The following CADPS2 variants were observed in gnomAD, a reference collection of about 807,000 sequenced individuals.
The protein encoded by CADPS2 is calcium-dependent secretion activator 2.
In CADPS2, 93 loss-of-function variants were observed where a neutral mutation model predicts 172.5. The ratio of observed to expected loss-of-function variants is 0.54; its 90% CI spans 0.46 to 0.64. The LOEUF (loss-of-function observed/expected upper bound fraction) is 0.64, where lower values mean the gene tolerates loss of function less well. CADPS2 is among the 30% of genes least tolerant of loss of function. The pLI is 0.00. For missense variants in CADPS2, 1,420 were observed against 1,565.9 expected, an observed-to-expected ratio of 0.91 and a Z score of 1.57; for synonymous variants, 546 against 555.2, an observed-to-expected ratio of 0.98 and a Z score of 0.23.
At chr7:122,420,460 A>C (rs988080009) in intron 17 of CADPS2, among the ~76,000 whole-genome samples, 2 of 152,206 alleles carry the variant, frequency 1.3e-5, no homozygotes, top group African/African-American at 4.8e-5. Context: ...AAATAGATGC[A>C]TTTTTATCAA....
chr7:122,471,588 T>G, intron 13 of CADPS2, 26 bp from the exon 14 acceptor site: 3 of 1,520,766 alleles, frequency 2.0e-6, no homozygotes, highest in Non-Finnish European at 2.6e-6. Context: ...AGAATAGATA[T>G]ACATGTTTTT....
rs374046476 is a variant in CADPS2 at position 122,718,517 on chromosome 7, C to T, written c.453+18438G>A. Among the ~76,000 whole-genome samples, 18 of 152,126 alleles carry T rather than the reference C, an allele frequency of 1.2e-4. No individual in the cohort carries two copies. In the South Asian group the frequency reaches 2.1e-3, roughly 18 times the overall value. On this transcript the variant is annotated intron_variant, in intron 2 of 29. Transcript: ENST00000449022. ...TCAGATAGTTAAGGGTAGCCATGGC[C>T]TTCTAAACAGGGAACAGAATAAATA...
intron 3 of CADPS2, among the ~76,000 whole-genome samples, chr7:122,643,475 T>A (rs2077919036): frequency 6.6e-6 from 1 of 152,296 alleles, no homozygotes; most frequent in Middle Eastern, 3.4e-3. Context: ...CAATGCAATG[T>A]CATACATCAG....
At chr7:122,554,752 A>G in intron 7 of CADPS2, 63 bp from the exon 8 acceptor site, 1 of 1,356,328 alleles carries the variant, frequency 7.4e-7, no homozygotes, top group African/African-American at 1.5e-5. Context: ...GTTGGAACTA[A>G]AATATTTTCT....
At chr7:122,739,427 T>A (rs1486728607) in intron 1 of CADPS2, among the ~76,000 whole-genome samples, 1 of 152,238 alleles carries the variant, frequency 6.6e-6, no homozygotes, top group Non-Finnish European at 1.5e-5. Flanking sequence ...ACATCATTAG[T>A]ATTTAAGTTC....
intron 1 of CADPS2, among the ~76,000 whole-genome samples, chr7:122,761,308 C>A (rs768540840): frequency 7.2e-5 from 11 of 152,128 alleles, no homozygotes; most frequent in Non-Finnish European, 1.6e-4. Flanking sequence ...GGAACATGGG[C>A]AGCCAGGCCA....
chr7:122,474,108 G>T (rs971049484), intron 13 of CADPS2, among the ~76,000 whole-genome samples: 5 of 152,058 alleles, frequency 3.3e-5, no homozygotes, highest in South Asian at 2.1e-4. Context: ...TCTTTAAAGT[G>T]ACTGATACAC....
chr7:122,327,925 T>C (rs1460288017), intron 28 of CADPS2, among the ~76,000 whole-genome samples: 1 of 152,060 alleles, frequency 6.6e-6, no homozygotes, highest in Admixed American at 6.5e-5. Flanking sequence ...AGAAAAAAAT[T>C]ATTCTATCAA....
At chr7:122,728,712 T>A (rs2137410696) in intron 2 of CADPS2, among the ~76,000 whole-genome samples, 1 of 151,858 alleles carries the variant, frequency 6.6e-6, no homozygotes, top group East Asian at 1.9e-4. Flanking sequence ...TTGTTTTTAT[T>A]TTTTTCAATT....
chr7:122,334,382 C>T (rs990165125), intron 28 of CADPS2, among the ~76,000 whole-genome samples: 11 of 152,178 alleles, frequency 7.2e-5, no homozygotes, highest in Non-Finnish European at 8.8e-5. Flanking sequence ...GGATGTGCTG[C>T]CTGTGCATTT....
chr7:122,768,318 G>A (rs1164378770), intron 1 of CADPS2, among the ~76,000 whole-genome samples: 1 of 152,084 alleles, frequency 6.6e-6, no homozygotes, highest in Non-Finnish European at 1.5e-5. Context: ...ACCCACATCA[G>A]AAATATGCAA....
chr7:122,564,078 G>T (rs2066092939), intron 7 of CADPS2, among the ~76,000 whole-genome samples: 1 of 152,042 alleles, frequency 6.6e-6, no homozygotes, highest in Non-Finnish European at 1.5e-5. Flanking sequence ...AATACTTCTG[G>T]TTGCACTTTG....
intron 29 of CADPS2, among the ~76,000 whole-genome samples, chr7:122,320,813 C>T (rs2032290856): frequency 6.6e-6 from 1 of 152,020 alleles, no homozygotes; most frequent in Admixed American, 6.6e-5. Context: ...AAAAGAAGTT[C>T]ACATTTTCAG....
At chr7:122,504,347 T>C (rs1056194612) in intron 9 of CADPS2, among the ~76,000 whole-genome samples, 1 of 152,030 alleles carries the variant, frequency 6.6e-6, no homozygotes, top group Admixed American at 6.6e-5. Context: ...TTATTCTTTT[T>C]GAGTCTTAGA....
At chr7:122,476,333 C>T (rs897835358) in intron 12 of CADPS2, among the ~76,000 whole-genome samples, 4 of 151,732 alleles carry the variant, frequency 2.6e-5, no homozygotes, top group Admixed American at 6.6e-5. Context: ...ATAAATTTCA[C>T]AGGAAAAAGA....
chr7:122,880,104 C>T (rs1822478323), intron 1 of CADPS2, among the ~76,000 whole-genome samples: 1 of 152,118 alleles, frequency 6.6e-6, no homozygotes, highest in Non-Finnish European at 1.5e-5. Context: ...AACAGTTTGC[C>T]CACTAACGGT....
intron 3 of CADPS2, among the ~76,000 whole-genome samples, chr7:122,635,271 ATTTTT>A (rs112889293): frequency 6.7e-6 from 1 of 149,008 alleles, no homozygotes; most frequent in Non-Finnish European, 1.5e-5. Context: ...TGTGTGGCTA[ATTTTT>A]TTTTTTAATT....
chr7:122,406,838 A>G (rs2046705506), intron 20 of CADPS2, among the ~76,000 whole-genome samples: 1 of 152,162 alleles, frequency 6.6e-6, no homozygotes, highest in South Asian at 2.1e-4. Flanking sequence ...GCTGAAACAA[A>G]GGTTGTCAGT....
At chr7:122,527,649 T>TGTGTGTGC (rs1336711258) in intron 8 of CADPS2, among the ~76,000 whole-genome samples, 81 of 144,346 alleles carry the variant, frequency 5.6e-4, no homozygotes, top group African/African-American at 2.2e-3. Flanking sequence ...TGTGTGTGTG[T>TGTGTGTGC]GTGTTTCCTG....
Sources: allele counts gnomAD v4.1 joint callset (sites outside exome capture counted in the v4.1 genomes callset), GRCh38; gene constraint gnomAD v4.1.1; transcripts MANE v1.5; gene names NCBI Gene and HGNC (gene_info 2026-07-23, HGNC 2026-07-21).